CMIP: variants seen among roughly 807,000 people sequenced by gnomAD.
CMIP encodes C-Maf-inducing protein.
In CMIP, 13 loss-of-function variants were observed where a neutral mutation model predicts 97.3. That is an observed-to-expected ratio of 0.13 (90% CI 0.09 to 0.21). The LOEUF (loss-of-function observed/expected upper bound fraction) is 0.21. Among genes scored for constraint, CMIP ranks in the 10% least tolerant of loss-of-function variants. CMIP has a pLI of 1.00. For missense variants in CMIP, 847 were observed against 1,024.9 expected, an observed-to-expected ratio of 0.83 and a Z score of 2.37; for synonymous variants, 538 against 436.3, an observed-to-expected ratio of 1.23 and a Z score of -2.91.
intron 3 of CMIP, among the ~76,000 whole-genome samples, chr16:81,650,789 C>T (rs2092419196): frequency 6.6e-6 from 1 of 152,104 alleles, no homozygotes; most frequent in Admixed American, 6.5e-5. Context: ...AAAGAGGTGC[C>T]GGTATTTTCC....
rs79742919 is a variant in CMIP at position 81,613,216 on chromosome 16, G to A, written c.426+5524G>A. 4.1e-3 allele frequency among the ~76,000 whole-genome samples: 621 copies of A among 152,294 alleles called. 3 individuals are homozygous for A. Among genetic ancestry groups the A allele is most frequent in the Non-Finnish European group, 6.7e-3 (459 of 68,036 alleles). ...GGCGCTTCCCTTAGTTTCAAGGTGA[G>A]GTCTCCTGCGTGCCACATCCTTCCT... On this transcript the variant is annotated intron_variant, in intron 2 of 20. Transcript: ENST00000537098.
chr16:81,455,343 T>A (rs1172809805), intron 1 of CMIP, among the ~76,000 whole-genome samples: 2 of 152,238 alleles, frequency 1.3e-5, no homozygotes, highest in Non-Finnish European at 2.9e-5. Flanking sequence ...ATACTGTTAC[T>A]CTCTCCATTT....
chr16:81,615,715 T>G (rs2091908562), intron 2 of CMIP, among the ~76,000 whole-genome samples: 1 of 150,666 alleles, frequency 6.6e-6, no homozygotes, highest in South Asian at 2.1e-4. Context: ...TGTGTGTGCA[T>G]GTGTAACTGG....
intron 9 of CMIP, among the ~76,000 whole-genome samples, chr16:81,674,325 G>A (rs372076189): frequency 1.3e-5 from 2 of 152,284 alleles, no homozygotes; most frequent in East Asian, 3.9e-4. Context: ...TAGAAATGGG[G>A]TTTCACCATG....
At chr16:81,526,638 T>A (rs2090139210) in intron 1 of CMIP, among the ~76,000 whole-genome samples, 2 of 152,252 alleles carry the variant, frequency 1.3e-5, no homozygotes. Context: ...CCTATTTATT[T>A]TATACTTTTA....
intron 1 of CMIP, among the ~76,000 whole-genome samples, chr16:81,526,783 G>A (rs987440215): frequency 7.9e-5 from 12 of 152,204 alleles, no homozygotes; most frequent in Admixed American, 7.2e-4. Flanking sequence ...GCCCCAGCCC[G>A]CCAGAGGAGC....
chr16:81,594,771 G>A (rs868154413), intron 1 of CMIP, among the ~76,000 whole-genome samples: 5 of 146,204 alleles, frequency 3.4e-5, no homozygotes, highest in Non-Finnish European at 6.0e-5. Flanking sequence ...CTGTCACCAC[G>A]CCCAGCTAAT....
At chr16:81,564,341 C>T (rs552817608) in intron 1 of CMIP, among the ~76,000 whole-genome samples, 5 of 152,352 alleles carry the variant, frequency 3.3e-5, no homozygotes, top group African/African-American at 9.6e-5. Context: ...TGTGCCCATG[C>T]TGAGCTCCAG....
intron 1 of CMIP, among the ~76,000 whole-genome samples, chr16:81,544,624 G>C (rs980431854): frequency 5.3e-5 from 8 of 151,746 alleles, no homozygotes; most frequent in Non-Finnish European, 1.0e-4. Flanking sequence ...AGGGGTGCAT[G>C]TGTGCATGTG....
intron 1 of CMIP, among the ~76,000 whole-genome samples, chr16:81,580,108 T>G (rs1013521495): frequency 2.6e-5 from 4 of 152,238 alleles, no homozygotes; most frequent in Non-Finnish European, 5.9e-5. Context: ...ATTCTCCCCT[T>G]AAGATGGAGG....
chr16:81,691,607 T>C (rs1906085558), intron 10 of CMIP, 168 bp from the exon 11 acceptor site: 1 of 651,990 alleles, frequency 1.5e-6, no homozygotes, highest in Non-Finnish European at 2.8e-6. Flanking sequence ...GAGGCCACGC[T>C]GAGAACATTG....
At chr16:81,638,318 C>T (rs2092262207) in intron 3 of CMIP, among the ~76,000 whole-genome samples, 1 of 152,160 alleles carries the variant, frequency 6.6e-6, no homozygotes, top group South Asian at 2.1e-4. Context: ...CCACCAGTCA[C>T]CTCATGACCC....
chr16:81,671,424 T>C (rs2092682203), intron 8 of CMIP, among the ~76,000 whole-genome samples: 1 of 152,202 alleles, frequency 6.6e-6, no homozygotes, highest in South Asian at 2.1e-4. Flanking sequence ...TATTGAGGAC[T>C]TAGTAACTAT....
rs1907412423 is a variant in CMIP, at chr16:81,701,584, G to T, written c.1756-76G>T. The stretch of plus-strand genomic sequence containing the variant: ...TGGGGTTGCTGGTTTTCAAAACAAG[G>T]CCCTTGGGGTGCACAGAGTGTGCTG... On this transcript the variant is annotated intron_variant, in intron 15 of 20. Coordinates refer to ENST00000537098, the MANE Select transcript of CMIP (RefSeq NM_198390.3). The T allele has an allele frequency of 1.9e-6, 3 of 1,600,180 alleles. No homozygotes were observed. In the South Asian group the frequency reaches 3.3e-5, roughly 18 times the overall value.
chr16:81,498,356 C>CG (rs2089531408), intron 1 of CMIP, among the ~76,000 whole-genome samples: 1 of 152,186 alleles, frequency 6.6e-6, no homozygotes, highest in East Asian at 1.9e-4. Context: ...GGTCCAGTGC[C>CG]GGGGGCTGGG....
At chr16:81,500,914 G>A (rs1051414080) in intron 1 of CMIP, among the ~76,000 whole-genome samples, 4 of 152,006 alleles carry the variant, frequency 2.6e-5, no homozygotes, top group Admixed American at 1.3e-4. Context: ...AAGTCCTCAC[G>A]AGTTGAACTA....
At chr16:81,531,098 G>A (rs906244712) in intron 1 of CMIP, among the ~76,000 whole-genome samples, 1 of 152,130 alleles carries the variant, frequency 6.6e-6, no homozygotes, top group Non-Finnish European at 1.5e-5. Flanking sequence ...TTGCAGATGC[G>A]ACCAAGTTAA....
At chr16:81,548,131 T>TTC (rs2090584539) in intron 1 of CMIP, among the ~76,000 whole-genome samples, 1 of 10,002 alleles carries the variant, frequency 1.0e-4, no homozygotes, top group African/African-American at 5.7e-4. Flanking sequence ...GATGGATCAC[T>TTC]TTTTTTTTTT....
intron 3 of CMIP, among the ~76,000 whole-genome samples, chr16:81,639,008 G>C (rs2092271405): frequency 6.6e-6 from 1 of 152,162 alleles, no homozygotes; most frequent in Non-Finnish European, 1.5e-5. Context: ...GTGAAGATCA[G>C]AGAGCCTTTC....
Sources: gnomAD v4.1 joint callset for allele counts (sites outside exome capture counted in the v4.1 genomes callset) on GRCh38, gnomAD v4.1.1 for gene constraint, MANE v1.5 for transcripts, NCBI Gene and HGNC (gene_info 2026-07-23, HGNC 2026-07-21) for gene names.